The following SUMF1 variants were observed in gnomAD, a reference collection of about 807,000 sequenced individuals.
SUMF1 encodes the protein formylglycine-generating enzyme.
SUMF1 carries 48 observed loss-of-function variants against 47.6 expected under a neutral mutation model. That is an observed-to-expected ratio of 1.01 (90% confidence interval 0.80 to 1.28). The LOEUF (loss-of-function observed/expected upper bound fraction) is 1.28, where lower values mean the gene tolerates loss of function less well. Ranked by LOEUF, SUMF1 falls within the 50% of genes most tolerant of loss-of-function variation. The pLI is 0.00. For missense variants in SUMF1, 571 were observed against 485.4 expected (o/e 1.18, Z -1.66); for synonymous variants, 230 against 192.1 (o/e 1.20, Z -1.63).
At chr3:4,060,326 C>G (rs544865704) in intron 9 of SUMF1, among the ~76,000 whole-genome samples, 1 of 152,322 alleles carries the variant, frequency 6.6e-6, no homozygotes, top group Non-Finnish European at 1.5e-5. Flanking sequence ...AAAACACAGA[C>G]TGCTGAACTA....
chr3:4,154,115 G>A lies in SUMF1; in HGVS notation c.1015-85370C>T, dbSNP rs1196502822. ...AACCTAGACTGAGATGTCCAGAAAG[G>A]TTTCTCAGAGGAGGAGGTGACTCCT... On this transcript the variant is annotated intron_variant and NMD_transcript_variant, in intron 8 of 12. Coordinates refer to the SUMF1 transcript ENST00000448413. Among the ~76,000 whole-genome samples the A allele has an allele frequency of 1.3e-5, 2 of 151,568 alleles. 1 individual carries two copies. Among genetic ancestry groups the A allele is most frequent in the African/African-American group, 4.9e-5 (2 of 40,860 alleles).
intron 8 of SUMF1, among the ~76,000 whole-genome samples, chr3:4,074,788 G>A (rs1293252239): frequency 1.3e-5 from 2 of 152,012 alleles, no homozygotes; most frequent in Non-Finnish European, 1.5e-5. Flanking sequence ...GACTAAACCA[G>A]GAAGAAATTC....
intron 8 of SUMF1, among the ~76,000 whole-genome samples, chr3:4,320,012 T>C (rs894850173): frequency 1.3e-5 from 2 of 152,166 alleles, no homozygotes; most frequent in Non-Finnish European, 2.9e-5. Flanking sequence ...GAGGAATGAA[T>C]AGGTGAAGCA....
chr3:4,466,667 GTGATTTAAACCA>G (rs1248243212), intron 1 of SUMF1, among the ~76,000 whole-genome samples: 1 of 152,146 alleles, frequency 6.6e-6, no homozygotes. Context: ...AGAGGAAATG[GTGATTTAAACCA>G]TAATTTGATT....
chr3:4,147,606 A>G lies in SUMF1; in HGVS notation c.1015-78861T>C, dbSNP rs1181968968. Among the ~76,000 whole-genome samples, 4 of 152,310 alleles carry G rather than the reference A, an allele frequency of 2.6e-5. No individual in the cohort carries two copies. The East Asian group carries it at 7.7e-4, about 29-fold the overall frequency. On this transcript the variant is annotated intron_variant and NMD_transcript_variant, in intron 8 of 12. Transcript: ENST00000448413. ...TTATGGTCTTTTTCTAGCCATTTTG[A>G]AAATGACAAAAGCTATGTGCCACAC...
intron 9 of SUMF1, among the ~76,000 whole-genome samples, chr3:4,063,559 T>G (rs1454981664): frequency 6.6e-6 from 1 of 152,068 alleles, no homozygotes; most frequent in Non-Finnish European, 1.5e-5. Context: ...ATATGCATGA[T>G]AAAGACCCTG....
At chr3:4,097,969 T>C (rs1210037656) in intron 8 of SUMF1, among the ~76,000 whole-genome samples, 1 of 152,146 alleles carries the variant, frequency 6.6e-6, no homozygotes, top group African/African-American at 2.4e-5. Context: ...ATCAACACCC[T>C]GACTACTCTC....
intron 3 of SUMF1, among the ~76,000 whole-genome samples, chr3:4,431,633 T>C (rs1158194198): frequency 1.3e-5 from 2 of 152,242 alleles, no homozygotes; most frequent in East Asian, 1.9e-4. Context: ...CCACTGAATA[T>C]TGGAGCAGAA....
chr3:4,453,137 C>A, intron 1 of SUMF1, 88 bp from the exon 2 acceptor site: 1 of 1,363,620 alleles, frequency 7.3e-7, no homozygotes, highest in Non-Finnish European at 1.0e-6. Flanking sequence ...CCAGGAAGCA[C>A]GCAAGTTTGT....
rs1702873444 is a variant in SUMF1, at chr3:4,448,881, C to A, written c.519+385G>T. On this transcript the variant is annotated intron_variant, in intron 3 of 8. Coordinates refer to ENST00000272902, the MANE Select transcript of SUMF1 (RefSeq NM_182760.4). The stretch of plus-strand genomic sequence containing the variant: ...AATGTTTAAGGAAGCTCTATCTCCA[C>A]ACCAGCACCTGAGGAGATGGAGACT... 2.0e-5 allele frequency among the ~76,000 whole-genome samples: 3 copies of A among 152,248 alleles called. No homozygotes were observed. In the South Asian group the frequency reaches 6.2e-4, roughly 32 times the overall value.
At chr3:4,089,507 T>G (rs1021367001) in intron 8 of SUMF1, among the ~76,000 whole-genome samples, 2 of 152,176 alleles carry the variant, frequency 1.3e-5, no homozygotes, top group African/African-American at 4.8e-5. Context: ...AAATGTGAGC[T>G]CTTATTCTTT....
At chr3:4,346,821 T>C (rs1003686281) in intron 8 of SUMF1, among the ~76,000 whole-genome samples, 2 of 152,014 alleles carry the variant, frequency 1.3e-5, no homozygotes, top group Non-Finnish European at 2.9e-5. Context: ...AAGAATCAAA[T>C]AGATGCAATA....
intron 8 of SUMF1, among the ~76,000 whole-genome samples, chr3:4,105,695 T>G (rs3846152): frequency 0.06 from 9,140 of 152,130 alleles, 715 homozygotes; most frequent in East Asian, 0.16. Flanking sequence ...GAACTAAAAT[T>G]TTTTTGTTAA....
In SUMF1 at chr3:4,361,509, C is replaced by G. The variant is rs1216052148; in HGVS notation, c.*635G>C. ...CGGCCCCATGTGGGATTCATCATAACAACGTAAAAGACACTGATTTCCTTG... is the reference window on the plus strand; with the variant it reads ...CGGCCCCATGTGGGATTCATCATAAGAACGTAAAAGACACTGATTTCCTTG... On this transcript the variant is annotated 3_prime_UTR_variant, in exon 9 of 9. Transcript: ENST00000272902. 6.4e-6 allele frequency: 1 copy of G among 155,502 alleles called. No individual in the cohort carries two copies. Among genetic ancestry groups the G allele is most frequent in the East Asian group, 1.9e-4 (1 of 5,254 alleles). 9.6% of individuals were successfully genotyped at this position (155,502 alleles called of 1,614,324 possible).
intron 8 of SUMF1, among the ~76,000 whole-genome samples, chr3:4,232,440 G>T (rs920276982): frequency 6.6e-6 from 1 of 152,070 alleles, no homozygotes; most frequent in Non-Finnish European, 1.5e-5. Flanking sequence ...AGTCCCCTGT[G>T]AGCCAAGAGA....
intron 9 of SUMF1, among the ~76,000 whole-genome samples, chr3:4,040,710 G>A (rs1694893094): frequency 6.6e-6 from 1 of 152,298 alleles, no homozygotes; most frequent in East Asian, 1.9e-4. Flanking sequence ...TCTGGTTTTA[G>A]TAGACAGTGA....
chr3:4,298,295 C>T (rs927227497), intron 8 of SUMF1, among the ~76,000 whole-genome samples: 2 of 152,068 alleles, frequency 1.3e-5, no homozygotes, highest in Admixed American at 6.6e-5. Flanking sequence ...TTTCTAGACC[C>T]CGAAAAGATG....
chr3:4,218,626 C>T (rs1043816362), intron 8 of SUMF1, among the ~76,000 whole-genome samples: 24 of 152,138 alleles, frequency 1.6e-4, no homozygotes, highest in African/African-American at 4.6e-4. Context: ...ATGCCTGCTG[C>T]TGTGAATGCG....
intron 8 of SUMF1, among the ~76,000 whole-genome samples, chr3:4,348,011 C>T (rs570044066): frequency 6.6e-6 from 1 of 152,254 alleles, no homozygotes; most frequent in South Asian, 2.1e-4. Context: ...CAAAGCACTG[C>T]TCAAGGAAAT....
Sources: allele counts gnomAD v4.1 joint callset (sites outside exome capture counted in the v4.1 genomes callset), GRCh38; gene constraint gnomAD v4.1.1; transcripts MANE v1.5; gene names NCBI Gene and HGNC (gene_info 2026-07-23, HGNC 2026-07-21).